SLC9A9: variants seen among roughly 807,000 people sequenced by gnomAD.
SLC9A9 encodes the protein solute carrier family 9 member A9, also known as sodium/hydrogen exchanger 9.
SLC9A9 carries 62 observed loss-of-function variants against 77.8 expected under a neutral mutation model. The observed-to-expected ratio is 0.80, with a 90% CI of 0.65 to 0.98. The LOEUF is 0.98. Among genes scored for constraint, SLC9A9 ranks in the 50% least tolerant of loss-of-function variants. The pLI is 0.00. For synonymous variants in SLC9A9, 320 were observed against 283.5 expected (o/e 1.13, Z -1.29); for missense variants, 775 against 774.9 (o/e 1.00, Z 0.00).
intron 4 of SLC9A9, among the ~76,000 whole-genome samples, chr3:143,764,941 TCTTC>T (rs1233681027): frequency 1.3e-5 from 2 of 151,790 alleles, no homozygotes; most frequent in African/African-American, 2.4e-5. Context: ...CATTTTTCTT[TCTTC>T]CTTCCTTCCT....
chr3:143,826,866 G>T (rs917926540), intron 2 of SLC9A9, among the ~76,000 whole-genome samples: 3 of 151,902 alleles, frequency 2.0e-5, no homozygotes, highest in Non-Finnish European at 4.4e-5. Context: ...CTTAATAAGA[G>T]ACCATACTGT....
chr3:143,322,016 G>C (rs2031438575), intron 14 of SLC9A9, among the ~76,000 whole-genome samples: 1 of 152,172 alleles, frequency 6.6e-6, no homozygotes, highest in Non-Finnish European at 1.5e-5. Context: ...AAGCCACTTG[G>C]CCCTTCCAAT....
chr3:143,684,768 C>T lies in SLC9A9; in HGVS notation c.649+8424G>A, dbSNP rs527381824. Among the ~76,000 whole-genome samples the T allele has an allele frequency of 5.3e-5, 8 of 152,066 alleles. No homozygotes were observed. The South Asian group carries it at 1.7e-3, about 32-fold the overall frequency. On this transcript the variant is annotated intron_variant, in intron 5 of 15. Coordinates refer to ENST00000316549, the MANE Select transcript of SLC9A9 (RefSeq NM_173653.4). ...GATATTTGAATCATATAGATATTTACCCTCTTTTATTTCTGAAGCTTGGGT... is the reference window on the plus strand; with the variant it reads ...GATATTTGAATCATATAGATATTTATCCTCTTTTATTTCTGAAGCTTGGGT...
intron 12 of SLC9A9, among the ~76,000 whole-genome samples, chr3:143,417,087 T>C (rs555804894): frequency 2.0e-5 from 3 of 152,084 alleles, no homozygotes; most frequent in African/African-American, 4.8e-5. Flanking sequence ...TAAAGAGAGA[T>C]ACTGATGATA....
chr3:143,318,339 AATAG>A (rs1227542687), intron 14 of SLC9A9, among the ~76,000 whole-genome samples: 21 of 152,240 alleles, frequency 1.4e-4, no homozygotes, highest in Middle Eastern at 3.2e-3. Flanking sequence ...TTTAAAATAA[AATAG>A]ATAAGCAAGT....
At chr3:143,282,696 C>T (rs1286641698) in intron 14 of SLC9A9, among the ~76,000 whole-genome samples, 1 of 152,156 alleles carries the variant, frequency 6.6e-6, no homozygotes, top group Non-Finnish European at 1.5e-5. Context: ...AAGAAGCAAA[C>T]TTGAGGATAG....
intron 14 of SLC9A9, among the ~76,000 whole-genome samples, chr3:143,293,251 T>C (rs1050316304): frequency 6.6e-6 from 1 of 152,242 alleles, no homozygotes; most frequent in Admixed American, 6.5e-5. Context: ...TGACTTTCAA[T>C]GACCTACTTG....
intron 4 of SLC9A9, among the ~76,000 whole-genome samples, chr3:143,785,725 T>C (rs2008028166): frequency 6.6e-6 from 1 of 151,908 alleles, no homozygotes; most frequent in Non-Finnish European, 1.5e-5. Context: ...AGAGTCACAT[T>C]TACTGTAACT....
At chr3:143,629,513 T>A (rs956388172) in intron 6 of SLC9A9, among the ~76,000 whole-genome samples, 1 of 152,084 alleles carries the variant, frequency 6.6e-6, no homozygotes, top group Non-Finnish European at 1.5e-5. Flanking sequence ...TTTAACTGGG[T>A]GTCCTACATC....
intron 8 of SLC9A9, among the ~76,000 whole-genome samples, chr3:143,554,093 A>G (rs1245493816): frequency 6.6e-6 from 1 of 152,156 alleles, no homozygotes; most frequent in Admixed American, 6.6e-5. Context: ...TGTTTTGACT[A>G]GATATTGATC....
At chr3:143,646,647 T>C (rs1421334247) in intron 6 of SLC9A9, among the ~76,000 whole-genome samples, 4 of 152,286 alleles carry the variant, frequency 2.6e-5, no homozygotes, top group African/African-American at 9.6e-5. Flanking sequence ...AATCAATGCA[T>C]TCATCTCCAT....
intron 4 of SLC9A9, among the ~76,000 whole-genome samples, chr3:143,737,176 A>G (rs1449857202): frequency 6.6e-6 from 1 of 152,196 alleles, no homozygotes; most frequent in Non-Finnish European, 1.5e-5. Flanking sequence ...TTTCGTCACG[A>G]AAACAACATT....
At chr3:143,329,169 A>G (rs1576428090) in intron 14 of SLC9A9, among the ~76,000 whole-genome samples, 2 of 152,344 alleles carry the variant, frequency 1.3e-5, no homozygotes, top group South Asian at 2.1e-4. Flanking sequence ...TAAATCCTGT[A>G]TATTGCATAA....
intron 6 of SLC9A9, among the ~76,000 whole-genome samples, chr3:143,635,821 C>T (rs2038511533): frequency 6.6e-6 from 1 of 152,146 alleles, no homozygotes; most frequent in African/African-American, 2.4e-5. Flanking sequence ...CTTACCATCT[C>T]TTGTTTAAGA....
intron 9 of SLC9A9, among the ~76,000 whole-genome samples, chr3:143,515,514 A>G (rs1245568852): frequency 2.0e-5 from 3 of 152,256 alleles, no homozygotes; most frequent in East Asian, 1.9e-4. Context: ...GCTCACCAGC[A>G]TATACGATGT....
chr3:143,568,453 G>T (rs1292092086), intron 8 of SLC9A9, among the ~76,000 whole-genome samples: 1 of 152,140 alleles, frequency 6.6e-6, no homozygotes, highest in African/African-American at 2.4e-5. Flanking sequence ...AGACAGAGCT[G>T]TTCCTTTCAT....
chr3:143,629,783 C>T (rs73005522), intron 6 of SLC9A9, among the ~76,000 whole-genome samples: 4,389 of 152,126 alleles, frequency 0.029, 197 homozygotes, highest in African/African-American at 0.1. Flanking sequence ...AAAAGAATAG[C>T]ATGTTCAAAG....
At position 143,796,877 on chromosome 3, in the gene SLC9A9, G is replaced by A. The variant is rs1313286826; in HGVS notation, c.405C>T (p.Phe135=). The A allele has an allele frequency of 5.6e-6, 9 of 1,611,822 alleles. No individual in the cohort carries two copies. The highest frequency in any genetic ancestry group is 7.6e-6 in the Non-Finnish European group (9 of 1,178,708). The change falls in exon 3 of 16, where the codon TTC becomes TTT. Residue 135 remains phenylalanine (F), a synonymous_variant. Transcript: ENST00000316549. ...EKMTFDPEIF[F]NVLLPPIIFH... ...ATATAATTGGTGGCAGTAAAACATT[G>A]AAGAAGATTTCTGGATCAAATGTCA...
chr3:143,662,807 G>A (rs1465400982), intron 5 of SLC9A9, among the ~76,000 whole-genome samples: 2 of 152,058 alleles, frequency 1.3e-5, no homozygotes, highest in Admixed American at 6.5e-5. Flanking sequence ...TGGGAAGCTC[G>A]AACTGGGTGA....
Sources: allele counts gnomAD v4.1 joint callset (sites outside exome capture counted in the v4.1 genomes callset), GRCh38; gene constraint gnomAD v4.1.1; transcripts MANE v1.5; gene names NCBI Gene and HGNC (gene_info 2026-07-23, HGNC 2026-07-21).